The following RIMS3 variants were observed in gnomAD, a reference collection of about 807,000 sequenced individuals.
The protein encoded by RIMS3 is regulating synaptic membrane exocytosis protein 3.
RIMS3 carries 15 observed loss-of-function variants against 29.2 expected under a neutral mutation model. The observed-to-expected ratio is 0.51, with a 90% CI of 0.34 to 0.79. The LOEUF is 0.79. Ranked by LOEUF, RIMS3 falls within the 30% of genes least tolerant of loss-of-function variation. RIMS3 has a pLI of 0.01. For synonymous variants in RIMS3, 161 were observed against 170.1 expected (o/e 0.95, Z 0.41); for missense variants, 342 against 421.4 (o/e 0.81, Z 1.65).
At chr1:40,674,374 G>A in the RIMS3 span, among the ~76,000 whole-genome samples, 1 of 152,160 alleles carries the variant, frequency 6.6e-6, no homozygotes, top group South Asian at 2.1e-4. Context: ...CACAAACCCT[G>A]CTGGGGCCAC....
rs1646521774 is a variant in RIMS3, at chr1:40,636,564, GC to G, written c.218-508del. 6.6e-6 allele frequency among the ~76,000 whole-genome samples: 1 copy of G among 152,150 alleles called. No homozygotes were observed. Among genetic ancestry groups the G allele is most frequent in the Non-Finnish European group, 1.5e-5 (1 of 68,024 alleles). On this transcript the variant is annotated intron_variant, in intron 3 of 7. Coordinates refer to ENST00000372684, the MANE Select transcript of RIMS3 (RefSeq NM_014747.3). This position sits in a 1 kb window ranked among gnomAD's most constrained non-coding sequence, Gnocchi z 4.2. ...ATACCTCTGGAGGCTCTATAGGAAAGCCCCCATGGGAAGCCTGGCCACTCTC... is the reference window on the plus strand; with the variant it reads ...ATACCTCTGGAGGCTCTATAGGAAAGCCCCATGGGAAGCCTGGCCACTCTC...
chr1:40,648,713 G>C (rs552850755), intron 1 of RIMS3, among the ~76,000 whole-genome samples: 22 of 152,294 alleles, frequency 1.4e-4, no homozygotes, highest in African/African-American at 5.3e-4. Flanking sequence ...CCATTGCAGG[G>C]GAAGGCCCAG....
chr1:40,628,109 T>A (rs1231437958), intron 7 of RIMS3, among the ~76,000 whole-genome samples: 1 of 152,212 alleles, frequency 6.6e-6, no homozygotes, highest in African/African-American at 2.4e-5. Flanking sequence ...GCAGGCCCTA[T>A]GTAAGGCTCC....
chr1:40,677,359 A>G, the RIMS3 span, among the ~76,000 whole-genome samples: 1 of 151,992 alleles, frequency 6.6e-6, no homozygotes, highest in Non-Finnish European at 1.5e-5. Context: ...GCCCAAGGTC[A>G]CAAAGCAGGT....
intron 3 of RIMS3, among the ~76,000 whole-genome samples, chr1:40,641,001 T>C (rs1646552275): frequency 6.6e-6 from 1 of 152,234 alleles, no homozygotes; most frequent in Non-Finnish European, 1.5e-5. Flanking sequence ...ACACTGAGCG[T>C]TCTATTTATG....
chr1:40,644,581 C>G (rs979819061), intron 2 of RIMS3, among the ~76,000 whole-genome samples: 1 of 152,162 alleles, frequency 6.6e-6, no homozygotes, highest in African/African-American at 2.4e-5. Context: ...GGACAGAGGG[C>G]CCTGAGAACC....
chr1:40,674,556 C>T, the RIMS3 span, among the ~76,000 whole-genome samples: 1 of 152,180 alleles, frequency 6.6e-6, no homozygotes, highest in Non-Finnish European at 1.5e-5. Flanking sequence ...CCCAAGGCAA[C>T]AGTGTTGAGA....
At chr1:40,631,437 C>T (rs1462160521) in intron 5 of RIMS3, among the ~76,000 whole-genome samples, 1 of 152,154 alleles carries the variant, frequency 6.6e-6, no homozygotes, top group East Asian at 1.9e-4. Context: ...AGCCAGGAGG[C>T]CAAGGCAGGC....
intron 2 of RIMS3, among the ~76,000 whole-genome samples, chr1:40,643,150 A>AT (rs1439113447): frequency 1.3e-5 from 2 of 151,046 alleles, no homozygotes; most frequent in South Asian, 2.1e-4. Context: ...TTATTTATTT[A>AT]TTTTTTTGAG....
intron 6 of RIMS3, 41 bp downstream of exon 6, chr1:40,629,230 A>G: frequency 6.5e-7 from 1 of 1,534,980 alleles, no homozygotes; most frequent in East Asian, 2.2e-5. Flanking sequence ...GCTCGGCTCT[A>G]TGCCCCTCCC....
upstream of RIMS3, among the ~76,000 whole-genome samples, chr1:40,670,574 T>TTTTA (rs1453530876): frequency 1.4e-5 from 1 of 71,210 alleles, no homozygotes; most frequent in Non-Finnish European, 2.4e-5. Flanking sequence ...AGTTATAATT[T>TTTTA]TATATATATA....
chr1:40,644,500 G>A (rs948347087), intron 2 of RIMS3, among the ~76,000 whole-genome samples: 1 of 152,188 alleles, frequency 6.6e-6, no homozygotes, highest in Non-Finnish European at 1.5e-5. Flanking sequence ...AGTCCAAGAC[G>A]GAGACAGACA....
the RIMS3 span, among the ~76,000 whole-genome samples, chr1:40,688,778 C>T: frequency 6.6e-6 from 1 of 152,176 alleles, no homozygotes; most frequent in Non-Finnish European, 1.5e-5. Flanking sequence ...AATGGTAGTG[C>T]TAGCCTTTGT....
intron 1 of RIMS3, among the ~76,000 whole-genome samples, chr1:40,663,776 T>C (rs1642386313): frequency 6.6e-6 from 1 of 152,144 alleles, no homozygotes; most frequent in South Asian, 2.1e-4. Context: ...GAAGGGACCG[T>C]GGTCCCTGCT....
At chr1:40,628,992 G>C in intron 6 of RIMS3, 43 bp from the exon 7 acceptor site, 2 of 1,611,346 alleles carry the variant, frequency 1.2e-6, no homozygotes, top group Non-Finnish European at 1.7e-6. Flanking sequence ...GTCCAGGACA[G>C]ACAGCTTTGG....
chr1:40,628,158 C>T (rs661221), intron 7 of RIMS3, among the ~76,000 whole-genome samples: 24,367 of 152,140 alleles, frequency 0.16, 2,145 homozygotes, highest in African/African-American at 0.21. Context: ...CATCTACCCG[C>T]GGCTAATGAG....
intron 5 of RIMS3, among the ~76,000 whole-genome samples, chr1:40,632,094 G>A (rs1646492493): frequency 6.6e-6 from 1 of 151,946 alleles, no homozygotes; most frequent in South Asian, 2.1e-4. Flanking sequence ...ATATTGCCTA[G>A]GCTGGCCTCA....
chr1:40,661,660 T>A (rs1236753518), intron 1 of RIMS3, among the ~76,000 whole-genome samples: 1 of 152,060 alleles, frequency 6.6e-6, no homozygotes, highest in Non-Finnish European at 1.5e-5. Flanking sequence ...CCAGATAGGG[T>A]TTATGGTTTC....
At chr1:40,657,212 C>CA (rs1642285265) in intron 1 of RIMS3, among the ~76,000 whole-genome samples, 1 of 152,214 alleles carries the variant, frequency 6.6e-6, no homozygotes, top group Non-Finnish European at 1.5e-5. Flanking sequence ...ATCCACACGT[C>CA]AGAGACTTGA....
Sources: allele counts gnomAD v4.1 joint callset (sites outside exome capture counted in the v4.1 genomes callset), GRCh38; gene constraint gnomAD v4.1.1; non-coding constraint Gnocchi (gnomAD v3.1); transcripts MANE v1.5; gene names NCBI Gene and HGNC (gene_info 2026-07-23, HGNC 2026-07-21).